ZDHHC2: variants seen among roughly 807,000 people sequenced by gnomAD.
The protein encoded by ZDHHC2 is palmitoyltransferase ZDHHC2.
ZDHHC2 carries 51 observed loss-of-function variants against 55.6 expected under a neutral mutation model. The ratio of observed to expected loss-of-function variants is 0.92; its 90% CI spans 0.73 to 1.16. The LOEUF is 1.16. Ranked by LOEUF, ZDHHC2 falls within the 50% of genes most tolerant of loss-of-function variation. ZDHHC2 has a pLI of 0.00. For synonymous variants in ZDHHC2, 199 were observed against 152.9 expected (o/e 1.30, Z -2.22); for missense variants, 491 against 442.4 (o/e 1.11, Z -0.99).
At chr8:17,217,645 ACT>A (rs923376888) in intron 12 of ZDHHC2, among the ~76,000 whole-genome samples, 5 of 152,112 alleles carry the variant, frequency 3.3e-5, no homozygotes, top group Non-Finnish European at 7.4e-5. Flanking sequence ...CCATTAGGAA[ACT>A]CTAAGTCGAA....
Position 17,210,019 on chromosome 8 carries a change from G to A in ZDHHC2, c.818G>A (p.Gly273Asp), listed in dbSNP as rs1268612538. Residue 273 changes from glycine (G) to aspartate (D), a missense_variant, in exon 9 of 13, where the codon GGT becomes GAT. Gly to Asp is a moderately conservative substitution (Grantham distance 94). Transcript: ENST00000262096. ...GFSKNMRQVFGDEKKYWLLPI... is the reference protein window; with the variant it reads ...GFSKNMRQVFDDEKKYWLLPI... Reference sequence around the variant, plus strand: ...AGTAAAAACATGCGACAAGTTTTTGGTGATGAGAAGAAGTACTGGTTGCTA... The same window carrying A: ...AGTAAAAACATGCGACAAGTTTTTGATGATGAGAAGAAGTACTGGTTGCTA... 1.2e-6 allele frequency: 2 copies of A among 1,608,444 alleles called. No homozygotes were observed. The highest frequency in any genetic ancestry group is 1.7e-6 in the Non-Finnish European group (2 of 1,177,012).
Position 17,198,500 on chromosome 8 carries a change from A to G in ZDHHC2, c.476+87A>G, listed in dbSNP as rs112931115. The G allele has an allele frequency of 9.4e-5, 117 of 1,250,596 alleles. No individual in the cohort carries two copies. In the African/African-American group the frequency reaches 1.7e-3, roughly 18 times the overall value. The allele number at this position is 1,250,596 out of a possible 1,614,324, so 77.5% of individuals were successfully genotyped here. A position where few individuals can be genotyped will look rare whatever the true frequency, so the allele number is the denominator to read the frequency against. On this transcript the variant is annotated intron_variant, in intron 6 of 12. Transcript: ENST00000262096. ...CTTATCCATGTAAATCTTTTCACAC[A>G]TGAAATATTACTTGAGTTGACATAG...
In ZDHHC2 at chr8:17,224,278, T is replaced by C. The variant is rs1362904885; in HGVS notation, c.*4057T>C. On this transcript the variant is annotated 3_prime_UTR_variant, in exon 13 of 13. Transcript: ENST00000262096. ...TGAAAAATGTTCAAAAATAGATCTT[T>C]TTGATGTTCATAGCCAGTATTCAGT... 1 of 151,804 alleles carries C rather than the reference T, an allele frequency of 6.6e-6. No homozygotes were observed. Among genetic ancestry groups the C allele is most frequent in the African/African-American group, 2.4e-5 (1 of 41,424 alleles). 9.4% of individuals were successfully genotyped at this position (151,804 alleles called of 1,614,324 possible).
chr8:17,156,884 G>A lies in ZDHHC2; in HGVS notation c.130+31G>A, dbSNP rs923435504. On this transcript the variant is annotated intron_variant, in intron 1 of 12. Transcript: ENST00000262096. Reference sequence around the variant, plus strand: ...TGCGCCCCCCGCCGCGGCGCCCCCAGCGCAGCGCAGCCCACCCCGACTGTC... The same window carrying A: ...TGCGCCCCCCGCCGCGGCGCCCCCAACGCAGCGCAGCCCACCCCGACTGTC... The A allele has an allele frequency of 4.1e-6, 6 of 1,475,338 alleles. No individual in the cohort carries two copies. In the African/African-American group the frequency reaches 7.4e-5, roughly 18 times the overall value. 91.4% of individuals were successfully genotyped at this position (1,475,338 alleles called of 1,614,324 possible).
chr8:17,163,733 A>G (rs1218944425), intron 1 of ZDHHC2, among the ~76,000 whole-genome samples: 3 of 152,228 alleles, frequency 2.0e-5, no homozygotes, highest in Non-Finnish European at 4.4e-5. Flanking sequence ...TCTGTCTTGC[A>G]GAATGACAGA....
At chr8:17,205,419 G>A (rs1238391210) in intron 6 of ZDHHC2, among the ~76,000 whole-genome samples, 1 of 152,216 alleles carries the variant, frequency 6.6e-6, no homozygotes, top group African/African-American at 2.4e-5. Flanking sequence ...ATGACATGCA[G>A]TTACATTGTT....
At chr8:17,158,233 A>T (rs1250898548) in intron 1 of ZDHHC2, among the ~76,000 whole-genome samples, 6 of 152,188 alleles carry the variant, frequency 3.9e-5, no homozygotes, top group Non-Finnish European at 5.9e-5. Flanking sequence ...ATTAACTGTT[A>T]ATCTTAAAAT....
At chr8:17,167,359 G>A (rs538853849) in intron 1 of ZDHHC2, among the ~76,000 whole-genome samples, 43 of 139,268 alleles carry the variant, frequency 3.1e-4, no homozygotes, top group African/African-American at 1.0e-3. Flanking sequence ...AGGCTGAAGT[G>A]CGATGGTGCA....
At chr8:17,194,133 T>G (rs987196437) in intron 3 of ZDHHC2, among the ~76,000 whole-genome samples, 1 of 152,182 alleles carries the variant, frequency 6.6e-6, no homozygotes, top group Non-Finnish European at 1.5e-5. Context: ...TTCCGTGGTA[T>G]GTATGTGCCA....
intron 1 of ZDHHC2, among the ~76,000 whole-genome samples, chr8:17,178,440 A>T (rs1370105127): frequency 6.6e-6 from 1 of 152,146 alleles, no homozygotes; most frequent in Non-Finnish European, 1.5e-5. Flanking sequence ...TCTGTGGAGA[A>T]CCCTGACTAA....
intron 3 of ZDHHC2, among the ~76,000 whole-genome samples, chr8:17,192,988 A>G (rs1208766551): frequency 6.6e-6 from 1 of 152,156 alleles, no homozygotes; most frequent in African/African-American, 2.4e-5. Flanking sequence ...GTATGCCAGT[A>G]CCATGCTATT....
In ZDHHC2 at chr8:17,156,846, G is replaced by C; in HGVS notation, c.123G>C (p.Leu41=). The change falls in exon 1 of 13, where the codon CTG becomes CTC. Residue 41 remains leucine, a synonymous_variant. Coordinates refer to ENST00000262096, the MANE Select transcript of ZDHHC2 (RefSeq NM_016353.5). ...GWSYYAYAIQ[L]CIVSMENTGE... ...CCTACTACGCCTACGCCATCCAGCT[G>C]TGCATAGGTGAGTGCGCCCCCCGCC... is the stretch of plus-strand genomic sequence containing the variant. 2.7e-6 allele frequency: 4 copies of C among 1,501,658 alleles called. No homozygotes were observed. Among genetic ancestry groups the C allele is most frequent in the Non-Finnish European group, 3.6e-6 (4 of 1,124,038 alleles). 93.0% of individuals were successfully genotyped at this position (1,501,658 alleles called of 1,614,324 possible).
intron 1 of ZDHHC2, among the ~76,000 whole-genome samples, chr8:17,176,410 C>A (rs1383401234): frequency 2.0e-5 from 3 of 151,934 alleles, no homozygotes; most frequent in Non-Finnish European, 4.4e-5. Flanking sequence ...ATTTACTGAT[C>A]AGTTTGTTGT....
Position 17,224,459 on chromosome 8 carries a change from T to A in ZDHHC2, c.*4238T>A, listed in dbSNP as rs1808042758. The A allele has an allele frequency of 6.6e-6, 1 of 151,652 alleles. No individual in the cohort carries two copies. Among genetic ancestry groups the A allele is most frequent in the Non-Finnish European group, 1.5e-5 (1 of 67,644 alleles). The allele number at this position is 151,652 out of a possible 1,614,324, so 9.4% of individuals were successfully genotyped here. On this transcript the variant is annotated 3_prime_UTR_variant, in exon 13 of 13. Coordinates refer to ENST00000262096, the MANE Select transcript of ZDHHC2 (RefSeq NM_016353.5). ...TTTGCTCAGGAAAAATAGTACTACT[T>A]TATGGTTTATGAAAACCTATGATTT...
intron 3 of ZDHHC2, among the ~76,000 whole-genome samples, chr8:17,192,288 T>G (rs1266568367): frequency 2.0e-5 from 3 of 152,178 alleles, no homozygotes; most frequent in African/African-American, 7.2e-5. Context: ...ACCTGCCCTT[T>G]GCCTATCTTT....
chr8:17,215,189 C>G, intron 10 of ZDHHC2, 48 bp from the exon 11 acceptor site: 1 of 1,501,590 alleles, frequency 6.7e-7, no homozygotes, highest in Non-Finnish European at 9.0e-7. Context: ...ACTTTACTAT[C>G]AAAAATTAGC....
intron 10 of ZDHHC2, among the ~76,000 whole-genome samples, chr8:17,212,385 C>A (rs923810027): frequency 1.3e-5 from 2 of 152,190 alleles, no homozygotes; most frequent in African/African-American, 2.4e-5. Context: ...AAACCAGAAT[C>A]TCCTCCATGC....
intron 1 of ZDHHC2, among the ~76,000 whole-genome samples, chr8:17,172,595 G>T (rs1804914389): frequency 6.6e-6 from 1 of 151,520 alleles, no homozygotes; most frequent in Admixed American, 6.6e-5. Context: ...TCTTAATGCA[G>T]TAAATTATAA....
chr8:17,167,430 C>G (rs146950761), intron 1 of ZDHHC2, among the ~76,000 whole-genome samples: 22,593 of 151,094 alleles, frequency 0.15, 2,086 homozygotes, highest in Admixed American at 0.29. Flanking sequence ...CTCAGCCTCT[C>G]GAGTAGCTGG....
Sources: gnomAD v4.1 joint callset for allele counts (sites outside exome capture counted in the v4.1 genomes callset) on GRCh38, gnomAD v4.1.1 for gene constraint, MANE v1.5 for transcripts, NCBI Gene and HGNC (gene_info 2026-07-23, HGNC 2026-07-21) for gene names.